Variants in PDE7B observed in about 807,000 individuals in gnomAD.
PDE7B encodes the protein 3',5'-cyclic-AMP phosphodiesterase 7B.
Under a neutral mutation model 56.2 loss-of-function variants are expected in PDE7B, and 29 were observed. The ratio of observed to expected loss-of-function variants is 0.52; its 90% CI spans 0.38 to 0.70. PDE7B has a LOEUF of 0.70. Among genes scored for constraint, PDE7B ranks in the 30% least tolerant of loss-of-function variants. The pLI, the probability that PDE7B is intolerant of heterozygous loss-of-function variation, is 0.00. For synonymous variants in PDE7B, 197 were observed against 196.9 expected, an observed-to-expected ratio of 1.00 and a Z score of 0.00; for missense variants, 490 against 565.0, an observed-to-expected ratio of 0.87 and a Z score of 1.35.
At chr6:135,982,337 A>AT (rs1690547173) in intron 2 of PDE7B, among the ~76,000 whole-genome samples, 1 of 151,894 alleles carries the variant, frequency 6.6e-6, no homozygotes, top group Admixed American at 6.6e-5. Context: ...CATCTGCTTT[A>AT]TTTTTTTCTC....
chr6:136,171,714 G>A (rs1778886225), intron 8 of PDE7B, among the ~76,000 whole-genome samples: 1 of 151,398 alleles, frequency 6.6e-6, no homozygotes. Flanking sequence ...GTATACATGT[G>A]CCATGCTGGT....
At chr6:135,873,138 G>C (rs1477748633) in intron 1 of PDE7B, among the ~76,000 whole-genome samples, 1 of 152,128 alleles carries the variant, frequency 6.6e-6, no homozygotes, top group Non-Finnish European at 1.5e-5. Flanking sequence ...AGTGAGCTGA[G>C]AGCGAAACAA....
In PDE7B at chr6:136,193,725, T is replaced by G. The variant is rs1295086265; in HGVS notation, c.*1885T>G. ...ACTTATTTCCTAAGTGCAACTGTTT[T>G]AGAGATTTTTCTCCTAACATGCAAA... On this transcript the variant is annotated 3_prime_UTR_variant, in exon 13 of 13. Coordinates refer to ENST00000308191, the MANE Select transcript of PDE7B (RefSeq NM_018945.4). 6.6e-6 allele frequency: 1 copy of G among 152,230 alleles called. No individual in the cohort carries two copies. Among genetic ancestry groups the G allele is most frequent in the Non-Finnish European group, 1.5e-5 (1 of 68,046 alleles). 9.4% of individuals were successfully genotyped at this position (152,230 alleles called of 1,614,324 possible). A position where few individuals can be genotyped will look rare whatever the true frequency, so the allele number is the denominator to read the frequency against.
intron 3 of PDE7B, among the ~76,000 whole-genome samples, chr6:136,112,270 G>C (rs901900884): frequency 1.1e-4 from 17 of 152,308 alleles, no homozygotes; most frequent in African/African-American, 4.1e-4. Context: ...AAGTTTCTAG[G>C]CGTTAAAATG....
At chr6:135,934,282 T>C (rs1185500834) in intron 1 of PDE7B, among the ~76,000 whole-genome samples, 1 of 152,210 alleles carries the variant, frequency 6.6e-6, no homozygotes. Flanking sequence ...TTTGGTAGTT[T>C]AACTCCTTAA....
At chr6:136,085,441 A>G (rs1777276192) in intron 2 of PDE7B, among the ~76,000 whole-genome samples, 1 of 152,110 alleles carries the variant, frequency 6.6e-6, no homozygotes. Flanking sequence ...ATCTGTTTTG[A>G]AATGTGTGGG....
At chr6:136,047,029 G>A (rs574141616) in intron 2 of PDE7B, among the ~76,000 whole-genome samples, 1 of 152,172 alleles carries the variant, frequency 6.6e-6, no homozygotes, top group South Asian at 2.1e-4. Flanking sequence ...AATGGCCCAC[G>A]GACATACATC....
chr6:136,119,726 C>CA (rs1317114227), intron 3 of PDE7B, among the ~76,000 whole-genome samples: 2 of 152,058 alleles, frequency 1.3e-5, no homozygotes, highest in African/African-American at 2.4e-5. Flanking sequence ...CAAACAAAAA[C>CA]AAAAAACAGG....
At chr6:136,098,885 C>A (rs1454346796) in intron 2 of PDE7B, among the ~76,000 whole-genome samples, 2 of 151,980 alleles carry the variant, frequency 1.3e-5, no homozygotes, top group African/African-American at 4.8e-5. Flanking sequence ...ATTAACTCGT[C>A]ATTTACATTA....
At chr6:136,045,854 G>A (rs1202100903) in intron 2 of PDE7B, among the ~76,000 whole-genome samples, 1 of 150,726 alleles carries the variant, frequency 6.6e-6, no homozygotes, top group African/African-American at 2.4e-5. Flanking sequence ...GTATCGAAAA[G>A]GAAAATTAAA....
intron 3 of PDE7B, among the ~76,000 whole-genome samples, chr6:136,136,029 A>G (rs1352496123): frequency 1.3e-5 from 2 of 152,108 alleles, no homozygotes; most frequent in African/African-American, 4.8e-5. Context: ...AGGCTAGGTT[A>G]CTTCAATCTT....
At chr6:135,912,432 G>T (rs994320551) in intron 1 of PDE7B, among the ~76,000 whole-genome samples, 1 of 152,162 alleles carries the variant, frequency 6.6e-6, no homozygotes, top group Non-Finnish European at 1.5e-5. Context: ...GATGTGCATA[G>T]ATTATATGCA....
chr6:136,085,138 G>A (rs536154866), intron 2 of PDE7B, among the ~76,000 whole-genome samples: 23 of 152,262 alleles, frequency 1.5e-4, no homozygotes, highest in African/African-American at 5.1e-4. Flanking sequence ...TCCAAAATGT[G>A]CTATTGTATT....
At chr6:135,897,642 T>C (rs1775926069) in intron 1 of PDE7B, among the ~76,000 whole-genome samples, 1 of 152,182 alleles carries the variant, frequency 6.6e-6, no homozygotes, top group Non-Finnish European at 1.5e-5. Context: ...AAATATTGAA[T>C]GGAGACAGCC....
intron 1 of PDE7B, among the ~76,000 whole-genome samples, chr6:135,927,878 C>T (rs1212711666): frequency 6.6e-6 from 1 of 151,824 alleles, no homozygotes; most frequent in Admixed American, 6.6e-5. Flanking sequence ...GAATATATTC[C>T]CAAATTATGC....
At chr6:135,862,933 A>C (rs1775178364) in intron 1 of PDE7B, among the ~76,000 whole-genome samples, 1 of 151,902 alleles carries the variant, frequency 6.6e-6, no homozygotes, top group Non-Finnish European at 1.5e-5. Flanking sequence ...AATTATTTAG[A>C]AGTATATTTA....
At chr6:136,024,073 A>G (rs1012392108) in intron 2 of PDE7B, among the ~76,000 whole-genome samples, 1 of 151,630 alleles carries the variant, frequency 6.6e-6, no homozygotes, top group South Asian at 2.1e-4. Context: ...GATGACATTT[A>G]AAAAAAAACC....
intron 2 of PDE7B, among the ~76,000 whole-genome samples, chr6:135,962,986 C>T (rs558132964): frequency 5.9e-5 from 9 of 152,144 alleles, no homozygotes; most frequent in Non-Finnish European, 1.3e-4. Flanking sequence ...CAAATGGAAG[C>T]CTTCCAGAAC....
chr6:136,122,642 C>G (rs920976069), intron 3 of PDE7B, among the ~76,000 whole-genome samples: 2 of 152,190 alleles, frequency 1.3e-5, no homozygotes, highest in East Asian at 3.9e-4. Flanking sequence ...TATTGGAATT[C>G]TAAAATTAGC....
Sources: gnomAD v4.1 joint callset for allele counts (sites outside exome capture counted in the v4.1 genomes callset) on GRCh38, gnomAD v4.1.1 for gene constraint, MANE v1.5 for transcripts, NCBI Gene and HGNC (gene_info 2026-07-23, HGNC 2026-07-21) for gene names.